The following TTC28 variants were observed in gnomAD, a reference collection of about 807,000 sequenced individuals.
TTC28 encodes tetratricopeptide repeat domain 28.
A neutral mutation model predicts 198.0 loss-of-function variants in TTC28; 61 were observed. The observed-to-expected ratio is 0.31, with a 90% CI of 0.25 to 0.38. The LOEUF is 0.38. TTC28 is among the 10% of genes least tolerant of loss of function. The pLI is 1.00. For missense variants in TTC28, 2,678 were observed against 3,164.0 expected (o/e 0.85, Z 3.69); for synonymous variants, 1,171 against 1,297.8 (o/e 0.90, Z 2.10).
At chr22:28,315,722 T>C (rs980100399) in intron 2 of TTC28, among the ~76,000 whole-genome samples, 5 of 152,226 alleles carry the variant, frequency 3.3e-5, no homozygotes, top group African/African-American at 4.8e-5. Flanking sequence ...CTAGACTCTC[T>C]ATTCTGTTCT....
At chr22:28,121,618 T>A (rs967684960) in intron 6 of TTC28, among the ~76,000 whole-genome samples, 3 of 152,238 alleles carry the variant, frequency 2.0e-5, no homozygotes, top group African/African-American at 7.2e-5. Context: ...AATTGAAATT[T>A]AAAAAATTTC....
intron 20 of TTC28, 41 bp from the exon 21 acceptor site, chr22:27,990,048 C>A: frequency 6.5e-7 from 1 of 1,532,200 alleles, no homozygotes; most frequent in Non-Finnish European, 8.8e-7. Flanking sequence ...GTGTCTCCTT[C>A]CCCTCCAGCC....
intron 5 of TTC28, among the ~76,000 whole-genome samples, chr22:28,211,395 A>G (rs1019918565): frequency 3.3e-5 from 5 of 152,134 alleles, no homozygotes; most frequent in Admixed American, 1.3e-4. Flanking sequence ...CCCATCTCAC[A>G]TGCAGACACA....
chr22:28,250,201 G>C lies in TTC28; in HGVS notation c.933+45997C>G, dbSNP rs562784013. On this transcript the variant is annotated intron_variant, in intron 5 of 22. Coordinates refer to ENST00000397906, the MANE Select transcript of TTC28 (RefSeq NM_001145418.2). ...CTGTTCCCAGAATTCTATCAGCACA[G>C]TACAGCCATTCTGATTACTCACGCT... Among the ~76,000 whole-genome samples, 15 of 152,264 alleles carry C rather than the reference G, an allele frequency of 9.9e-5. 1 individual carries two copies. In the East Asian group the frequency reaches 2.1e-3, roughly 22 times the overall value.
chr22:28,431,683 T>C (rs1215459671), intron 2 of TTC28, among the ~76,000 whole-genome samples: 1 of 152,146 alleles, frequency 6.6e-6, no homozygotes, highest in Non-Finnish European at 1.5e-5. Context: ...AATGTTTAAA[T>C]ATCAGTAATA....
intron 6 of TTC28, among the ~76,000 whole-genome samples, chr22:28,112,873 C>T (rs1173655045): frequency 6.6e-6 from 1 of 152,020 alleles, no homozygotes; most frequent in Non-Finnish European, 1.5e-5. Flanking sequence ...CTCACAAAGC[C>T]GAGTTCTCAC....
chr22:28,571,550 A>G (rs1167920665), intron 2 of TTC28, among the ~76,000 whole-genome samples: 1 of 152,244 alleles, frequency 6.6e-6, no homozygotes, highest in Non-Finnish European at 1.5e-5. Flanking sequence ...TGCTGACAAG[A>G]ATGTACAGCA....
At chr22:28,071,733 TAA>T (rs368033113) in intron 12 of TTC28, among the ~76,000 whole-genome samples, 4 of 52,008 alleles carry the variant, frequency 7.7e-5, no homozygotes, top group East Asian at 6.9e-4. Context: ...TAAAGTATAA[TAA>T]AAAAAAAAAA....
At chr22:28,503,966 G>C (rs894518578) in intron 2 of TTC28, among the ~76,000 whole-genome samples, 2 of 152,210 alleles carry the variant, frequency 1.3e-5, no homozygotes, top group African/African-American at 2.4e-5. Context: ...TGGATCAATA[G>C]TGAAAGATGA....
Position 28,579,289 on chromosome 22 carries a change from G to A in TTC28, c.381+50263C>T, listed in dbSNP as rs150070241. On this transcript the variant is annotated intron_variant, in intron 2 of 22. Transcript: ENST00000397906. ...GCTATATACGTATATAACCATATAC[G>A]TATATAGCTATATATGTGCATGTAT... Among the ~76,000 whole-genome samples the A allele has an allele frequency of 2.3e-4, 34 of 148,348 alleles. No homozygotes were observed. The East Asian group carries it at 3.8e-3, about 17-fold the overall frequency.
At chr22:28,248,793 A>G (rs966514081) in intron 5 of TTC28, among the ~76,000 whole-genome samples, 5 of 152,110 alleles carry the variant, frequency 3.3e-5, no homozygotes, top group African/African-American at 9.7e-5. Flanking sequence ...TCTTTCCGTG[A>G]GGGCTTGGTA....
intron 10 of TTC28, among the ~76,000 whole-genome samples, chr22:28,098,510 G>A (rs934665901): frequency 6.6e-5 from 10 of 151,926 alleles, no homozygotes; most frequent in African/African-American, 1.9e-4. Flanking sequence ...CCAGGAGTTC[G>A]AGACCAGGCT....
intron 13 of TTC28, among the ~76,000 whole-genome samples, chr22:28,024,688 G>A (rs1938752475): frequency 6.6e-6 from 1 of 152,198 alleles, no homozygotes; most frequent in African/African-American, 2.4e-5. Flanking sequence ...CTTGGCTTGG[G>A]GCAATTCACC....
At chr22:28,307,843 G>C (rs557117834) in intron 2 of TTC28, among the ~76,000 whole-genome samples, 64 of 151,640 alleles carry the variant, frequency 4.2e-4, no homozygotes, top group African/African-American at 1.5e-3. Flanking sequence ...TGTATTCATG[G>C]GATCTAAATG....
chr22:28,138,195 G>C lies in TTC28; in HGVS notation c.1441+24897C>G, dbSNP rs866402698. On this transcript the variant is annotated intron_variant, in intron 6 of 22. Coordinates refer to ENST00000397906, the MANE Select transcript of TTC28 (RefSeq NM_001145418.2). ...AATTCATTCTGTGGAATGAACTACAGTATCAATCAGCCAGAGTCTGAAGCA... is the reference window on the plus strand; with the variant it reads ...AATTCATTCTGTGGAATGAACTACACTATCAATCAGCCAGAGTCTGAAGCA... Among the ~76,000 whole-genome samples the C allele has an allele frequency of 3.9e-5, 6 of 152,272 alleles. No individual in the cohort carries two copies. In the Middle Eastern group the frequency reaches 0.01, roughly 259 times the overall value.
intron 5 of TTC28, among the ~76,000 whole-genome samples, chr22:28,205,580 T>TG (rs1193682928): frequency 6.6e-6 from 1 of 152,128 alleles, no homozygotes; most frequent in Non-Finnish European, 1.5e-5. Context: ...GGTGAATGAT[T>TG]GACCTATTTG....
intron 12 of TTC28, among the ~76,000 whole-genome samples, chr22:28,037,167 T>A (rs908718880): frequency 2.6e-5 from 4 of 152,196 alleles, no homozygotes; most frequent in Non-Finnish European, 5.9e-5. Context: ...ACTCATTTTA[T>A]GAGGCCAGCA....
chr22:28,001,710 C>T lies in TTC28; in HGVS notation c.4219-157G>A, dbSNP rs1937702531. Reference sequence around the variant, plus strand: ...CATGGGGCATGGGCCGAGTTGCAGCCCTGCAGGAGCGGCACCAACTGGCAT... The same window carrying T: ...CATGGGGCATGGGCCGAGTTGCAGCTCTGCAGGAGCGGCACCAACTGGCAT... On this transcript the variant is annotated intron_variant, in intron 14 of 22. Coordinates refer to ENST00000397906, the MANE Select transcript of TTC28 (RefSeq NM_001145418.2). 3 of 830,506 alleles carry T rather than the reference C, an allele frequency of 3.6e-6. No individual in the cohort carries two copies. In the South Asian group the frequency reaches 5.4e-5, roughly 15 times the overall value. The allele number at this position is 830,506 out of a possible 1,614,324, so 51.4% of individuals were successfully genotyped here. A position where few individuals can be genotyped will look rare whatever the true frequency, so the allele number is the denominator to read the frequency against.
chr22:28,016,891 T>C (rs945344303), intron 13 of TTC28, among the ~76,000 whole-genome samples: 1 of 152,070 alleles, frequency 6.6e-6, no homozygotes, highest in Admixed American at 6.5e-5. Context: ...AGATGTCAGG[T>C]TGGGCAGTCC....
Sources: allele counts gnomAD v4.1 joint callset (sites outside exome capture counted in the v4.1 genomes callset), GRCh38; gene constraint gnomAD v4.1.1; transcripts MANE v1.5; gene names NCBI Gene and HGNC (gene_info 2026-07-23, HGNC 2026-07-21).